Variants in LRFN2 observed in about 807,000 individuals in gnomAD.
The protein encoded by LRFN2 is leucine-rich repeat and fibronectin type-III domain-containing protein 2.
LRFN2 carries 18 observed loss-of-function variants against 37.3 expected under a neutral mutation model. The observed-to-expected ratio is 0.48, with a 90% confidence interval of 0.33 to 0.72. The LOEUF (loss-of-function observed/expected upper bound fraction) is 0.72, where lower values mean the gene tolerates loss of function less well. Among genes scored for constraint, LRFN2 ranks in the 30% least tolerant of loss-of-function variants. LRFN2 has a pLI of 0.02. For synonymous variants in LRFN2, 556 were observed against 466.6 expected, an observed-to-expected ratio of 1.19 and a Z score of -2.47; for missense variants, 1,006 against 1,060.7, an observed-to-expected ratio of 0.95 and a Z score of 0.72.
chr6:40,428,248 T>G (rs1037179335), intron 2 of LRFN2, among the ~76,000 whole-genome samples: 3 of 152,178 alleles, frequency 2.0e-5, no homozygotes, highest in Non-Finnish European at 2.9e-5. Context: ...GTTGCAAGTC[T>G]TTGCTTCTTA....
At chr6:40,478,602 G>C (rs1764758728) in intron 1 of LRFN2, among the ~76,000 whole-genome samples, 1 of 152,160 alleles carries the variant, frequency 6.6e-6, no homozygotes, top group Admixed American at 6.5e-5. Context: ...GGTATAGACA[G>C]CCCACCCCTC....
Position 40,435,699 on chromosome 6 carries a change from C to T in LRFN2, c.-18-2568G>A, listed in dbSNP as rs533073272. Among the ~76,000 whole-genome samples, 391 of 152,152 alleles carry T rather than the reference C, an allele frequency of 2.6e-3. 1 individual carries two copies. The highest frequency in any genetic ancestry group is 8.9e-3 in the African/African-American group (371 of 41,484). On this transcript the variant is annotated intron_variant, in intron 1 of 2. Coordinates refer to ENST00000338305, the MANE Select transcript of LRFN2 (RefSeq NM_020737.3). ...GACTACAGGTGCCCGCCACCACACCCGGCTAATTTTTTGTGTTTTTAGTAG... is the reference window on the plus strand; with the variant it reads ...GACTACAGGTGCCCGCCACCACACCTGGCTAATTTTTTGTGTTTTTAGTAG...
chr6:40,564,661 A>G (rs1767056527), intron 1 of LRFN2, among the ~76,000 whole-genome samples: 1 of 152,088 alleles, frequency 6.6e-6, no homozygotes, highest in Admixed American at 6.5e-5. Context: ...CCATCCTCCA[A>G]TCAGTTTTCC....
chr6:40,549,410 G>T (rs1372657722), intron 1 of LRFN2, among the ~76,000 whole-genome samples: 1 of 152,146 alleles, frequency 6.6e-6, no homozygotes, highest in African/African-American at 2.4e-5. Flanking sequence ...ACCTGATAAA[G>T]CTATGGAAGA....
At chr6:40,467,498 G>A (rs1013890192) in intron 1 of LRFN2, among the ~76,000 whole-genome samples, 10 of 152,164 alleles carry the variant, frequency 6.6e-5, no homozygotes, top group Non-Finnish European at 1.5e-4. Flanking sequence ...CACAGACATG[G>A]AGACAGTGTC....
chr6:40,476,556 T>C (rs1322568725), intron 1 of LRFN2, among the ~76,000 whole-genome samples: 1 of 152,252 alleles, frequency 6.6e-6, no homozygotes, highest in Non-Finnish European at 1.5e-5. Context: ...TCAAACTTGC[T>C]GTTTCCCATT....
intron 2 of LRFN2, among the ~76,000 whole-genome samples, chr6:40,393,538 G>A (rs1762556701): frequency 6.6e-6 from 1 of 151,978 alleles, no homozygotes; most frequent in African/African-American, 2.4e-5. Context: ...GACAGGCAGA[G>A]GGAGAGACAG....
At chr6:40,473,732 C>T (rs1211830153) in intron 1 of LRFN2, among the ~76,000 whole-genome samples, 1 of 152,268 alleles carries the variant, frequency 6.6e-6, no homozygotes, top group East Asian at 1.9e-4. Flanking sequence ...TCTCCCTCCC[C>T]TTGCCCCACA....
intron 1 of LRFN2, among the ~76,000 whole-genome samples, chr6:40,547,115 T>C (rs1766678032): frequency 6.6e-6 from 1 of 151,932 alleles, no homozygotes; most frequent in African/African-American, 2.4e-5. Context: ...CTTTTTTTTT[T>C]TTTTTTGAGA....
intron 1 of LRFN2, among the ~76,000 whole-genome samples, chr6:40,546,104 T>C (rs1766654769): frequency 6.6e-6 from 1 of 151,980 alleles, no homozygotes; most frequent in African/African-American, 2.4e-5. Flanking sequence ...CTGGCTGTTT[T>C]TGAGGATCAC....
intron 1 of LRFN2, among the ~76,000 whole-genome samples, chr6:40,434,935 C>T (rs1763607535): frequency 6.7e-6 from 1 of 148,800 alleles, no homozygotes; most frequent in African/African-American, 2.5e-5. Flanking sequence ...TGCAGTGAAA[C>T]ACTAAATTAA....
rs367852184 is a variant in LRFN2 at position 40,472,682 on chromosome 6, C to T, written c.-18-39551G>A. 6.6e-5 allele frequency among the ~76,000 whole-genome samples: 10 copies of T among 152,290 alleles called. No individual in the cohort carries two copies. In the East Asian group the frequency reaches 1.4e-3, roughly 21 times the overall value. ...ATCCTATGCTTCCAGGGAGATCCTA[C>T]GGGAGCCCTGGATGTGACCTGACTC... On this transcript the variant is annotated intron_variant, in intron 1 of 2. Coordinates refer to ENST00000338305, the MANE Select transcript of LRFN2 (RefSeq NM_020737.3).
intron 1 of LRFN2, among the ~76,000 whole-genome samples, chr6:40,571,610 G>A (rs1478182933): frequency 6.6e-6 from 1 of 152,190 alleles, no homozygotes; most frequent in Non-Finnish European, 1.5e-5. Context: ...AATAGCCCAG[G>A]TTTTAGCAGG....
chr6:40,557,901 T>C (rs1301710835), intron 1 of LRFN2, among the ~76,000 whole-genome samples: 1 of 152,246 alleles, frequency 6.6e-6, no homozygotes, highest in African/African-American at 2.4e-5. Context: ...TTGTTGATAA[T>C]GATGATGTTA....
chr6:40,465,954 A>G (rs1436755044), intron 1 of LRFN2, among the ~76,000 whole-genome samples: 1 of 152,180 alleles, frequency 6.6e-6, no homozygotes, highest in Non-Finnish European at 1.5e-5. Context: ...TGGTAGAACA[A>G]GGCAGTAGTG....
At chr6:40,565,145 AT>A (rs1465245672) in intron 1 of LRFN2, among the ~76,000 whole-genome samples, 1 of 152,234 alleles carries the variant, frequency 6.6e-6, no homozygotes, top group African/African-American at 2.4e-5. Flanking sequence ...CCAAATCATT[AT>A]AGAAATCGCT....
intron 1 of LRFN2, among the ~76,000 whole-genome samples, chr6:40,532,768 T>C (rs1766370568): frequency 6.6e-6 from 1 of 152,252 alleles, no homozygotes; most frequent in South Asian, 2.1e-4. Context: ...ATTATTTACA[T>C]GTCTGCCTCT....
intron 1 of LRFN2, among the ~76,000 whole-genome samples, chr6:40,454,254 G>A (rs1561862605): frequency 6.6e-6 from 1 of 152,160 alleles, no homozygotes; most frequent in Non-Finnish European, 1.5e-5. Flanking sequence ...AACACTGTTA[G>A]GGCTGTTGGG....
At chr6:40,396,481 A>C (rs1762616439) in intron 2 of LRFN2, among the ~76,000 whole-genome samples, 2 of 152,064 alleles carry the variant, frequency 1.3e-5, no homozygotes, top group Admixed American at 6.5e-5. Flanking sequence ...CCACATCCTA[A>C]TGTGATGAAG....
Sources: gnomAD v4.1 joint callset for allele counts (sites outside exome capture counted in the v4.1 genomes callset) on GRCh38, gnomAD v4.1.1 for gene constraint, MANE v1.5 for transcripts, NCBI Gene and HGNC (gene_info 2026-07-23, HGNC 2026-07-21) for gene names.